Variants in DNAI7 observed in about 807,000 individuals in gnomAD.
DNAI7 encodes the protein cancer susceptibility 1.
A neutral mutation model predicts 86.6 loss-of-function variants in DNAI7; 78 were observed. That is an observed-to-expected ratio of 0.90 (90% CI 0.75 to 1.09). DNAI7 has a LOEUF of 1.09. Ranked by LOEUF, DNAI7 falls within the 50% of genes least tolerant of loss-of-function variation. The pLI is 0.00. For missense variants in DNAI7, 753 were observed against 810.2 expected (o/e 0.93, Z 0.86); for synonymous variants, 274 against 273.0 (o/e 1.00, Z -0.04).
chr12:25,191,190 A>G (rs1443000742), intron 1 of DNAI7, among the ~76,000 whole-genome samples: 1 of 152,134 alleles, frequency 6.6e-6, no homozygotes, highest in Admixed American at 6.6e-5. Context: ...AGGCGGGAGG[A>G]TCACCTGAAC....
rs369487624 is a variant in DNAI7 at position 25,152,559 on chromosome 12, T to G, written c.438+1760A>C. On this transcript the variant is annotated intron_variant, in intron 6 of 15. Coordinates refer to ENST00000395987, the MANE Select transcript of DNAI7 (RefSeq NM_018272.5). ...CATCTAGTTTTTCACTTGTATCTTT[T>G]GTAATATCCTTTATAATAAACCAGT... is the stretch of plus-strand genomic sequence containing the variant. Among the ~76,000 whole-genome samples the G allele has an allele frequency of 1.4e-3, 212 of 152,362 alleles. 3 individuals are homozygous for G. The highest frequency in any genetic ancestry group is 4.9e-3 in the African/African-American group (203 of 41,590).
At position 25,157,549 on chromosome 12, in the gene DNAI7, T is replaced by C. The variant is rs577062303; in HGVS notation, c.198+923A>G. Among the ~76,000 whole-genome samples, 4 of 152,296 alleles carry C rather than the reference T, an allele frequency of 2.6e-5. No individual in the cohort carries two copies. The South Asian group carries it at 8.3e-4, about 32-fold the overall frequency. The stretch of plus-strand genomic sequence containing the variant: ...TCCTTAATTTTAAAAAAAAGTTGTT[T>C]CTTTAAAAATATCCATGTATTTACT... On this transcript the variant is annotated intron_variant, in intron 4 of 15. Coordinates refer to ENST00000395987, the MANE Select transcript of DNAI7 (RefSeq NM_018272.5).
rs547375671 is a variant in DNAI7 at position 25,185,741 on chromosome 12, G to A, written c.21+4873C>T. The A allele has an allele frequency of 3.9e-5, 38 of 980,104 alleles. No individual in the cohort carries two copies. The East Asian group carries it at 3.9e-3, about 100-fold the overall frequency. 60.7% of individuals were successfully genotyped at this position (980,104 alleles called of 1,614,324 possible). On this transcript the variant is annotated intron_variant, in intron 2 of 15. Transcript: ENST00000395987. Reference sequence around the variant, plus strand: ...AGCACTGAATGTTCCATGAAAACCAGGACTCACTCTTTGGCCACTGAAGCC... The same window carrying A: ...AGCACTGAATGTTCCATGAAAACCAAGACTCACTCTTTGGCCACTGAAGCC...
chr12:25,173,609 C>G (rs550397889), intron 2 of DNAI7, among the ~76,000 whole-genome samples: 1 of 151,846 alleles, frequency 6.6e-6, no homozygotes, highest in East Asian at 1.9e-4. Context: ...GGGTATCTAA[C>G]CAGAGGAAAA....
intron 9 of DNAI7, among the ~76,000 whole-genome samples, chr12:25,132,072 T>A (rs996953609): frequency 3.3e-5 from 5 of 152,022 alleles, no homozygotes; most frequent in African/African-American, 1.2e-4. Flanking sequence ...ATTATTCGTG[T>A]GATGGGAGGA....
At position 25,174,679 on chromosome 12, in the gene DNAI7, CA is replaced by C. The variant is rs1231357016; in HGVS notation, c.22-13483del. On this transcript the variant is annotated intron_variant, in intron 2 of 15. Transcript: ENST00000395987. ...TATCATATATATGGAATATATATAT[CA>C]TATATATATGGAATATAGATATCAT... is the stretch of plus-strand genomic sequence containing the variant. 1.1e-3 allele frequency among the ~76,000 whole-genome samples: 57 copies of C among 53,306 alleles called. 6 individuals carry two copies. The highest frequency in any genetic ancestry group is 0.019 in the Middle Eastern group (2 of 108). 35.0% of individuals were successfully genotyped at this position (53,306 alleles called of 152,430 possible).
chr12:25,158,744 GA>G, intron 3 of DNAI7, 181 bp from the exon 4 acceptor site: 1 of 1,420,846 alleles, frequency 7.0e-7, no homozygotes, highest in Non-Finnish European at 9.2e-7. Context: ...GTAACTACAA[GA>G]AAAAATCAAA....
intron 2 of DNAI7, among the ~76,000 whole-genome samples, chr12:25,186,527 T>C (rs1565844779): frequency 1.3e-5 from 2 of 152,180 alleles, no homozygotes; most frequent in Non-Finnish European, 2.9e-5. Context: ...CTACCATGTG[T>C]ATAAATTCAC....
chr12:25,113,092 A>C (rs1939285173), intron 13 of DNAI7, among the ~76,000 whole-genome samples: 1 of 152,188 alleles, frequency 6.6e-6, no homozygotes, highest in South Asian at 2.1e-4. Context: ...GGGAAGCCTG[A>C]AAGGAGGCTC....
In DNAI7 at chr12:25,154,574, G is replaced by C. The variant is rs1227150710; in HGVS notation, c.301-118C>G. On this transcript the variant is annotated intron_variant, in intron 5 of 15. Transcript: ENST00000395987. ...GTTTAACCAACTTAGATAAAAACAT[G>C]ATGGCTTTAACCAGTAACTTGAGAG... 4.2e-6 allele frequency: 4 copies of C among 954,200 alleles called. No individual in the cohort carries two copies. In the African/African-American group the frequency reaches 6.8e-5, roughly 16 times the overall value. The allele number at this position is 954,200 out of a possible 1,614,324, so 59.1% of individuals were successfully genotyped here. A position where few individuals can be genotyped will look rare whatever the true frequency, so the allele number is the denominator to read the frequency against.
intron 13 of DNAI7, among the ~76,000 whole-genome samples, chr12:25,112,709 A>C (rs1301795311): frequency 6.6e-6 from 1 of 152,058 alleles, no homozygotes; most frequent in African/African-American, 2.4e-5. Context: ...CCTAGCCTAC[A>C]CATCTGTTTT....
chr12:25,108,508 C>G lies in DNAI7; in HGVS notation c.*40G>C. 1.3e-6 allele frequency: 2 copies of G among 1,552,160 alleles called. No individual in the cohort carries two copies. The highest frequency in any genetic ancestry group is 2.4e-5 in the South Asian group (2 of 83,624). Reference sequence around the variant, plus strand: ...GCAGAAATACCTGTCTTTCACCATGCTTGGTTCTTCATACTTACAATACAG... The same window carrying G: ...GCAGAAATACCTGTCTTTCACCATGGTTGGTTCTTCATACTTACAATACAG... On this transcript the variant is annotated 3_prime_UTR_variant, in exon 16 of 16. Coordinates refer to ENST00000395987, the MANE Select transcript of DNAI7 (RefSeq NM_018272.5).
At chr12:25,118,096 A>G (rs1436460525) in intron 12 of DNAI7, among the ~76,000 whole-genome samples, 1 of 149,942 alleles carries the variant, frequency 6.7e-6, no homozygotes, top group Non-Finnish European at 1.5e-5. Context: ...ACCATGCCCC[A>G]TTAGTTTTTG....
chr12:25,194,069 C>A (rs1165064021), intron 1 of DNAI7, among the ~76,000 whole-genome samples: 1 of 152,082 alleles, frequency 6.6e-6, no homozygotes, highest in Non-Finnish European at 1.5e-5. Flanking sequence ...ATCTGCCCGC[C>A]TCGGCCTCCC....
intron 9 of DNAI7, among the ~76,000 whole-genome samples, chr12:25,124,032 T>TTGTGTGTGTGTGTG (rs57454187): frequency 0.11 from 15,229 of 144,518 alleles, 1,059 homozygotes; most frequent in East Asian, 0.28. Flanking sequence ...AGTATAAAAA[T>TTGTGTGTGTGTGTG]TGTGTGTGTG....
intron 2 of DNAI7, among the ~76,000 whole-genome samples, chr12:25,162,935 G>T (rs973517111): frequency 2.0e-5 from 3 of 152,184 alleles, no homozygotes; most frequent in African/African-American, 2.4e-5. Flanking sequence ...TCCAGATTGT[G>T]AATTTTAGCT....
chr12:25,157,565 T>C (rs1446604977), intron 4 of DNAI7, among the ~76,000 whole-genome samples: 4 of 152,162 alleles, frequency 2.6e-5, no homozygotes, highest in Non-Finnish European at 5.9e-5. Context: ...AAAATATCCA[T>C]GTATTTACTT....
chr12:25,158,821 C>T, intron 3 of DNAI7: 1 of 465,938 alleles, frequency 2.1e-6, no homozygotes, highest in Non-Finnish European at 3.6e-6. Context: ...ATTTATGCAG[C>T]CAACAGACAC....
chr12:25,110,084 T>C (rs1159014351), intron 15 of DNAI7, 43 bp downstream of exon 15: 1 of 962,050 alleles, frequency 1.0e-6, no homozygotes, highest in East Asian at 2.4e-5. Flanking sequence ...CTTTATCTTC[T>C]TTTGGAGGAC....
Sources: allele counts gnomAD v4.1 joint callset (sites outside exome capture counted in the v4.1 genomes callset), GRCh38; gene constraint gnomAD v4.1.1; transcripts MANE v1.5; gene names NCBI Gene and HGNC (gene_info 2026-07-23, HGNC 2026-07-21).